RANBP10: variants seen among roughly 807,000 people sequenced by gnomAD.
The protein encoded by RANBP10 is ran-binding protein 10.
A neutral mutation model predicts 72.8 loss-of-function variants in RANBP10; 24 were observed. The ratio of observed to expected loss-of-function variants is 0.33; its 90% confidence interval spans 0.24 to 0.46. The LOEUF (loss-of-function observed/expected upper bound fraction) is 0.46, where lower values mean the gene tolerates loss of function less well. Ranked by LOEUF, RANBP10 falls within the 20% of genes least tolerant of loss-of-function variation. The pLI is 1.00. For missense variants in RANBP10, 679 were observed against 817.5 expected (o/e 0.83, Z 2.07); for synonymous variants, 310 against 322.3 (o/e 0.96, Z 0.41).
chr16:67,758,044 G>A lies in RANBP10; in HGVS notation c.401-13589C>T, dbSNP rs193126195. 4.9e-4 allele frequency among the ~76,000 whole-genome samples: 75 copies of A among 152,272 alleles called. 1 individual carries two copies. The highest frequency in any genetic ancestry group is 3.4e-3 in the Middle Eastern group (1 of 294). ...ACCCAGGTGTCAGCTTGAAGTCATG[G>A]GCAGGGCAAGGAACAATACAGCTAG... On this transcript the variant is annotated intron_variant, in intron 3 of 13. Coordinates refer to ENST00000317506, the MANE Select transcript of RANBP10 (RefSeq NM_020850.3).
At chr16:67,755,547 T>C (rs1485835561) in intron 3 of RANBP10, among the ~76,000 whole-genome samples, 1 of 151,838 alleles carries the variant, frequency 6.6e-6, no homozygotes, top group Non-Finnish European at 1.5e-5. Context: ...AGCCGGGCAT[T>C]GTGGTACATG....
At chr16:67,743,587 T>C (rs2054010822) in intron 4 of RANBP10, among the ~76,000 whole-genome samples, 1 of 151,988 alleles carries the variant, frequency 6.6e-6, no homozygotes, top group Non-Finnish European at 1.5e-5. Context: ...TTCTCCTGGG[T>C]TTCTTCTCCT....
chr16:67,789,572 T>C (rs890110996), intron 2 of RANBP10, among the ~76,000 whole-genome samples: 2 of 151,288 alleles, frequency 1.3e-5, no homozygotes, highest in Non-Finnish European at 2.9e-5. Flanking sequence ...TGGATTCAAG[T>C]GATTATCCTG....
intron 3 of RANBP10, among the ~76,000 whole-genome samples, chr16:67,749,118 A>AAAAGAAGG (rs2054146554): frequency 6.6e-6 from 1 of 152,118 alleles, no homozygotes; most frequent in African/African-American, 2.4e-5. Context: ...TGGGAATGAG[A>AAAAGAAGG]AAAGAAGGAT....
At chr16:67,749,636 T>A (rs549106988) in intron 3 of RANBP10, among the ~76,000 whole-genome samples, 17 of 152,196 alleles carry the variant, frequency 1.1e-4, no homozygotes, top group Non-Finnish European at 2.1e-4. Context: ...TGTTTGCTAG[T>A]GGGTATGCAA....
chr16:67,805,447 C>A lies in RANBP10; in HGVS notation c.328G>T (p.Val110Phe). 3.1e-6 allele frequency: 5 copies of A among 1,614,052 alleles called. No individual in the cohort carries two copies. Among genetic ancestry groups the A allele is most frequent in the Non-Finnish European group, 4.2e-6 (5 of 1,179,986 alleles). The stretch of plus-strand genomic sequence containing the variant: ...GCTTACCCATCTCTTCCTTTGCTGA[C>A]AATCTTCACTTCAAAGTAATAAATG... Reference protein sequence around the residue: ...CGIYYFEVKIVSKGRDGYMGI... With the variant: ...CGIYYFEVKIFSKGRDGYMGI... The change falls in exon 2 of 14, where the codon GTC becomes TTC. Residue 110 changes from valine to phenylalanine, a missense_variant. Val to Phe is a conservative substitution (Grantham distance 50). Coordinates refer to ENST00000317506, the MANE Select transcript of RANBP10 (RefSeq NM_020850.3).
chr16:67,797,169 T>C (rs1439079195), intron 2 of RANBP10, among the ~76,000 whole-genome samples: 1 of 152,164 alleles, frequency 6.6e-6, no homozygotes, highest in African/African-American at 2.4e-5. Flanking sequence ...CCATGACCCA[T>C]ACAGGGAAAA....
chr16:67,783,094 C>T (rs150755205), intron 2 of RANBP10, among the ~76,000 whole-genome samples: 102 of 152,246 alleles, frequency 6.7e-4, no homozygotes, highest in African/African-American at 2.2e-3. Context: ...GCTTCAGAAA[C>T]AGTCAAAATC....
At chr16:67,782,819 T>C (rs1397160554) in intron 2 of RANBP10, among the ~76,000 whole-genome samples, 1 of 152,192 alleles carries the variant, frequency 6.6e-6, no homozygotes, top group African/African-American at 2.4e-5. Context: ...AAGCCACTTT[T>C]AAGAGCCATC....
intron 2 of RANBP10, among the ~76,000 whole-genome samples, chr16:67,793,005 G>A (rs1342806614): frequency 6.6e-6 from 1 of 152,002 alleles, no homozygotes; most frequent in Non-Finnish European, 1.5e-5. Context: ...CTTCTCTAAT[G>A]TACTAACAGA....
At chr16:67,756,618 G>A (rs1207354463) in intron 3 of RANBP10, among the ~76,000 whole-genome samples, 1 of 152,084 alleles carries the variant, frequency 6.6e-6, no homozygotes, top group African/African-American at 2.4e-5. Flanking sequence ...CAGGAGAATC[G>A]CTTGATGCCG....
At chr16:67,746,365 CA>C (rs907953964) in intron 3 of RANBP10, among the ~76,000 whole-genome samples, 10 of 151,784 alleles carry the variant, frequency 6.6e-5, no homozygotes, top group Admixed American at 6.6e-4. Flanking sequence ...CCTGTAGTCC[CA>C]GCTACTCAGG....
chr16:67,768,878 A>T (rs758052556), intron 3 of RANBP10, among the ~76,000 whole-genome samples: 1 of 152,250 alleles, frequency 6.6e-6, no homozygotes, highest in Non-Finnish European at 1.5e-5. Context: ...TTTAAAACAG[A>T]TAACATATTC....
chr16:67,737,042 T>C (rs2053861210), intron 5 of RANBP10, among the ~76,000 whole-genome samples: 1 of 152,078 alleles, frequency 6.6e-6, no homozygotes, highest in South Asian at 2.1e-4. Flanking sequence ...TGCATGTGAT[T>C]AGGCCTGTGA....
In RANBP10 at chr16:67,726,448, C is replaced by T. The variant is rs1392841175; in HGVS notation, c.1843G>A (p.Val615Ile). The change falls in exon 14 of 14, where the codon GTT becomes ATT. Residue 615 changes from valine to isoleucine, a missense_variant. By Grantham distance (29) the Val-to-Ile change is conservative (BLOSUM62 3). Transcript: ENST00000317506. ...GTCAGCTAGTGCAAGTAGTCATCAA[C>T]TCTGGCAAAGGAGCAAGAACCCAGG... ...AGLGSCSFAR[V>I]DDYLH 1 of 1,612,436 alleles carries T rather than the reference C, an allele frequency of 6.2e-7. No homozygotes were observed. The highest frequency in any genetic ancestry group is 2.2e-5 in the East Asian group (1 of 44,806).
rs1172536273 is a variant in RANBP10 at position 67,729,397 on chromosome 16, G to A, written c.1235C>T (p.Ser412Phe). The A allele has an allele frequency of 6.2e-7, 1 of 1,613,744 alleles. No individual in the cohort carries two copies. Residue 412 changes from serine to phenylalanine, a missense_variant, in exon 10 of 14, where the codon TCC becomes TTC. Coordinates refer to ENST00000317506, the MANE Select transcript of RANBP10 (RefSeq NM_020850.3). This position sits in a 1 kb window ranked among gnomAD's most constrained non-coding sequence, Gnocchi z 7.1. The stretch of plus-strand genomic sequence containing the variant: ...GGACGAGGAGGAGGAGGAGGACGAG[G>A]ATGAGGAGCTGGGTGCAGGGTATTT... ...HSKYPAPSSS[S>F]SSSSSSSSSS...
chr16:67,776,377 G>A (rs971536826), intron 2 of RANBP10, among the ~76,000 whole-genome samples: 16 of 137,058 alleles, frequency 1.2e-4, no homozygotes, highest in Admixed American at 8.6e-4. Flanking sequence ...CAGGAGAATC[G>A]CTTAAACCTG....
At chr16:67,780,255 A>C (rs2054786339) in intron 2 of RANBP10, among the ~76,000 whole-genome samples, 1 of 152,086 alleles carries the variant, frequency 6.6e-6, no homozygotes, top group African/African-American at 2.4e-5. Context: ...CAAACAAAAA[A>C]ACACAGCAGA....
Position 67,806,348 on chromosome 16 carries a change from G to A in RANBP10, c.189C>T (p.Tyr63=), listed in dbSNP as rs1452710308. The A allele has an allele frequency of 6.2e-7, 1 of 1,613,468 alleles. No homozygotes were observed. Among genetic ancestry groups the A allele is most frequent in the Non-Finnish European group, 8.5e-7 (1 of 1,179,764 alleles). ...LPRSWSPKDK[Y]NYIGLSQGNL... ...TGCCCTGGGAGAGACCAATGTAGTT[G>A]TATTTGTCCTTGGGGCTCCAGGAGC... The change falls in exon 1 of 14, where the codon TAC becomes TAT. Residue 63 remains tyrosine (Y), a synonymous_variant. Transcript: ENST00000317506.
Sources: gnomAD v4.1 joint callset for allele counts (sites outside exome capture counted in the v4.1 genomes callset) on GRCh38, gnomAD v4.1.1 for gene constraint, Gnocchi (gnomAD v3.1) non-coding constraint, MANE v1.5 for transcripts, NCBI Gene and HGNC (gene_info 2026-07-23, HGNC 2026-07-21) for gene names.